Variants in PEX3 observed in about 807,000 individuals in gnomAD.
PEX3 encodes the protein peroxin-3.
Under a neutral mutation model 55.8 loss-of-function variants are expected in PEX3, and 30 were observed. The ratio of observed to expected loss-of-function variants is 0.54; its 90% CI spans 0.40 to 0.73. PEX3 has a LOEUF of 0.73. Ranked by LOEUF, PEX3 falls within the 30% of genes least tolerant of loss-of-function variation. PEX3 has a pLI of 0.00. For missense variants in PEX3, 351 were observed against 432.8 expected, an observed-to-expected ratio of 0.81 and a Z score of 1.68; for synonymous variants, 135 against 148.4, an observed-to-expected ratio of 0.91 and a Z score of 0.66.
rs112293109 is a variant in PEX3 at position 143,485,652 on chromosome 6, T to C, written c.1038+404T>C. ...AGAAGTAAAGCATTTTAGTGATTAA[T>C]AAAATGTAACAGTTAATAGTGCATC... is the stretch of plus-strand genomic sequence containing the variant. On this transcript the variant is annotated intron_variant, in intron 11 of 11. Coordinates refer to ENST00000367591, the MANE Select transcript of PEX3 (RefSeq NM_003630.3). This position sits in a 1 kb window ranked among gnomAD's most constrained non-coding sequence, Gnocchi z 5.6. Among the ~76,000 whole-genome samples the C allele has an allele frequency of 2.1e-3, 324 of 152,168 alleles. 2 individuals carry two copies. Among genetic ancestry groups the C allele is most frequent in the African/African-American group, 7.5e-3 (313 of 41,550 alleles).
Position 143,479,967 on chromosome 6 carries a change from T to A in PEX3, c.941+769T>A, listed in dbSNP as rs967140998. On this transcript the variant is annotated intron_variant, in intron 10 of 11. Transcript: ENST00000367591. This position sits in a 1 kb window ranked among gnomAD's most constrained non-coding sequence, Gnocchi z 4.6. ...CACATCCTTTGAAGTAGCTTTAAAA[T>A]TTTTTTTTTAATTGGGGACACAGTA... is the stretch of plus-strand genomic sequence containing the variant. Among the ~76,000 whole-genome samples the A allele has an allele frequency of 5.3e-5, 8 of 150,714 alleles. No homozygotes were observed. Among genetic ancestry groups the A allele is most frequent in the Middle Eastern group, 3.4e-3 (1 of 294 alleles).
At chr6:143,469,458 G>A (rs1416451905) in intron 4 of PEX3, among the ~76,000 whole-genome samples, 1 of 152,190 alleles carries the variant, frequency 6.6e-6, no homozygotes, top group Non-Finnish European at 1.5e-5. Context: ...GTGTCTGTTG[G>A]CTGCATAAAT....
At position 143,469,514 on chromosome 6, in the gene PEX3, G is replaced by T. The variant is rs1584009350; in HGVS notation, c.331+1349G>T. On this transcript the variant is annotated intron_variant, in intron 4 of 11. Coordinates refer to ENST00000367591, the MANE Select transcript of PEX3 (RefSeq NM_003630.3). ...TGTTCATATCCTTTGCCCACTTTTT[G>T]ATGGGGTTGTTTGATTTTTTCTTGT... Among the ~76,000 whole-genome samples, 3 of 152,172 alleles carry T rather than the reference G, an allele frequency of 2.0e-5. No individual in the cohort carries two copies. The East Asian group carries it at 5.8e-4, about 29-fold the overall frequency.
Position 143,466,785 on chromosome 6 carries a change from A to G in PEX3, c.288-1337A>G, listed in dbSNP as rs1779998420. Among the ~76,000 whole-genome samples the G allele has an allele frequency of 6.6e-6, 1 of 152,054 alleles. No homozygotes were observed. Among genetic ancestry groups the G allele is most frequent in the South Asian group, 2.1e-4 (1 of 4,830 alleles). On this transcript the variant is annotated intron_variant, in intron 3 of 11. Transcript: ENST00000367591. The surrounding 1 kb of genome is among the most constrained non-coding windows in gnomAD (Gnocchi z 5.4). Reference sequence around the variant, plus strand: ...GGGGCAGATATAAATGTATATATACATATTCACTTATATAAAGCAAAACAA... The same window carrying G: ...GGGGCAGATATAAATGTATATATACGTATTCACTTATATAAAGCAAAACAA...
chr6:143,469,043 A>G (rs1780034543), intron 4 of PEX3, among the ~76,000 whole-genome samples: 1 of 152,064 alleles, frequency 6.6e-6, no homozygotes, highest in African/African-American at 2.4e-5. Flanking sequence ...CTTGGTGTAT[A>G]TGTGCCACAT....
In PEX3 at chr6:143,471,397, C is replaced by T. The variant is rs1338695567; in HGVS notation, c.471C>T (p.Pro157=). 2 of 1,605,768 alleles carry T rather than the reference C, an allele frequency of 1.2e-6. No individual in the cohort carries two copies. Among genetic ancestry groups the T allele is most frequent in the Non-Finnish European group, 1.7e-6 (2 of 1,172,966 alleles). ...VGKNGTTILA[P]PDVQQQYLSS... Reference sequence around the variant, plus strand: ...GTTTTATACAGACAATTCTTGCTCCCCCAGATGTCCAACAGCAGTATTTAT... The same window carrying T: ...GTTTTATACAGACAATTCTTGCTCCTCCAGATGTCCAACAGCAGTATTTAT... The change falls in exon 6 of 12, where the codon CCC becomes CCT. Residue 157 remains proline (P), a synonymous_variant. Coordinates refer to ENST00000367591, the MANE Select transcript of PEX3 (RefSeq NM_003630.3). The surrounding 1 kb of genome is among the most constrained non-coding windows in gnomAD (Gnocchi z 5.4).
Position 143,489,071 on chromosome 6 carries a change from T to C in PEX3, c.1039-72T>C. On this transcript the variant is annotated intron_variant, in intron 11 of 11. Coordinates refer to ENST00000367591, the MANE Select transcript of PEX3 (RefSeq NM_003630.3). The surrounding 1 kb of genome is among the most constrained non-coding windows in gnomAD (Gnocchi z 5.5). Reference sequence around the variant, plus strand: ...CAAAACTTAGAGCTGAATTCATCGCTTGATTGCAGAAATTAATTCAAATTA... The same window carrying C: ...CAAAACTTAGAGCTGAATTCATCGCCTGATTGCAGAAATTAATTCAAATTA... 3 of 1,021,226 alleles carry C rather than the reference T, an allele frequency of 2.9e-6. No individual in the cohort carries two copies. Among genetic ancestry groups the C allele is most frequent in the Non-Finnish European group, 4.7e-6 (3 of 642,652 alleles). 63.3% of individuals were successfully genotyped at this position (1,021,226 alleles called of 1,614,324 possible). A position where few individuals can be genotyped will look rare whatever the true frequency, so the allele number is the denominator to read the frequency against.
rs1780331740 is a variant in PEX3 at position 143,487,040 on chromosome 6, T to TAAAG, written c.1038+1793_1038+1796dup. On this transcript the variant is annotated intron_variant, in intron 11 of 11. Transcript: ENST00000367591. This position sits in a 1 kb window ranked among gnomAD's most constrained non-coding sequence, Gnocchi z 5.3. The stretch of plus-strand genomic sequence containing the variant: ...TAGAAGATATTAGGATGGTAGTTGG[T>TAAAG]AAAGGTAGGAAATGGGAGAATCAGA... 6.6e-6 allele frequency among the ~76,000 whole-genome samples: 1 copy of TAAAG among 152,152 alleles called. No homozygotes were observed. The highest frequency in any genetic ancestry group is 1.5e-5 in the Non-Finnish European group (1 of 67,990).
intron 3 of PEX3, 117 bp from the exon 4 acceptor site, chr6:143,468,005 G>A (rs1022010778): frequency 3.2e-6 from 2 of 626,756 alleles, no homozygotes. Flanking sequence ...CTTTTCTGCA[G>A]TTATGCTGTG....
At chr6:143,470,521 C>A (rs1242286339) in intron 4 of PEX3, among the ~76,000 whole-genome samples, 1 of 152,200 alleles carries the variant, frequency 6.6e-6, no homozygotes, top group Non-Finnish European at 1.5e-5. Flanking sequence ...TCTTACCAGG[C>A]TTCCCCAGTC....
chr6:143,470,986 A>G lies in PEX3; in HGVS notation c.357A>G (p.Val119=), dbSNP rs1469822959. 1.2e-6 allele frequency: 2 copies of G among 1,611,884 alleles called. No individual in the cohort carries two copies. Among genetic ancestry groups the G allele is most frequent in the South Asian group, 1.1e-5 (1 of 91,054 alleles). ...IISFTRSTVA[V]YSTCMLVVLL... ...GTTTCACAAGAAGTACTGTGGCTGTATACAGTACCTGTATGCTGGTTGTTC... is the reference window on the plus strand; with the variant it reads ...GTTTCACAAGAAGTACTGTGGCTGTGTACAGTACCTGTATGCTGGTTGTTC... Residue 119 remains valine (V), a synonymous_variant, in exon 5 of 12, where the codon GTA becomes GTG. Coordinates refer to ENST00000367591, the MANE Select transcript of PEX3 (RefSeq NM_003630.3).
At position 143,465,733 on chromosome 6, in the gene PEX3, G is replaced by A. The variant is rs1160384535; in HGVS notation, c.288-2389G>A. 6.6e-6 allele frequency among the ~76,000 whole-genome samples: 1 copy of A among 151,952 alleles called. No individual in the cohort carries two copies. Among genetic ancestry groups the A allele is most frequent in the African/African-American group, 2.4e-5 (1 of 41,400 alleles). On this transcript the variant is annotated intron_variant, in intron 3 of 11. Coordinates refer to ENST00000367591, the MANE Select transcript of PEX3 (RefSeq NM_003630.3). This position sits in a 1 kb window ranked among gnomAD's most constrained non-coding sequence, Gnocchi z 4.7. Reference sequence around the variant, plus strand: ...GTCTTGAACACTAGATTAGATTAAGGTTGCAGCAGTGTCTTGCATGAGTTA... The same window carrying A: ...GTCTTGAACACTAGATTAGATTAAGATTGCAGCAGTGTCTTGCATGAGTTA...
chr6:143,485,933 T>TC lies in PEX3; in HGVS notation c.1038+686dup, dbSNP rs1780317635. Among the ~76,000 whole-genome samples the TC allele has an allele frequency of 2.0e-5, 3 of 152,144 alleles. No individual in the cohort carries two copies. ...TTTGCAATGCCAGTTGCAAACTGCT[T>TC]CAATAATGTACAATGAGAAGAGACC... On this transcript the variant is annotated intron_variant, in intron 11 of 11. Transcript: ENST00000367591. This position sits in a 1 kb window ranked among gnomAD's most constrained non-coding sequence, Gnocchi z 5.6.
At chr6:143,473,192 G>A (rs2128746936) in intron 8 of PEX3, among the ~76,000 whole-genome samples, 1 of 152,266 alleles carries the variant, frequency 6.6e-6, no homozygotes, top group Non-Finnish European at 1.5e-5. Flanking sequence ...CCCATTGCCA[G>A]AGACAAAGAT....
intron 10 of PEX3, among the ~76,000 whole-genome samples, chr6:143,480,341 G>A (rs1405330050): frequency 6.6e-6 from 1 of 152,078 alleles, no homozygotes; most frequent in Non-Finnish European, 1.5e-5. Context: ...TAATTGTAAT[G>A]GTTATTTTAA....
chr6:143,460,645 A>T (rs1449536980), intron 2 of PEX3, among the ~76,000 whole-genome samples: 1 of 152,098 alleles, frequency 6.6e-6, no homozygotes, highest in Admixed American at 6.5e-5. Flanking sequence ...CTGGTGGATC[A>T]CCTGAGGTTA....
chr6:143,462,899 T>C lies in PEX3; in HGVS notation c.206-17T>C. Reference sequence around the variant, plus strand: ...TATCACTTGTGACCTTTTTTATTTTTTTTGTTTGTATTACAGTGCTGTCCA... The same window carrying C: ...TATCACTTGTGACCTTTTTTATTTTCTTTGTTTGTATTACAGTGCTGTCCA... On this transcript the variant is annotated splice_polypyrimidine_tract_variant and intron_variant, in intron 2 of 11. Transcript: ENST00000367591. This position sits in a 1 kb window ranked among gnomAD's most constrained non-coding sequence, Gnocchi z 4.1. 1 of 1,603,230 alleles carries C rather than the reference T, an allele frequency of 6.2e-7. No homozygotes were observed. The highest frequency in any genetic ancestry group is 8.5e-7 in the Non-Finnish European group (1 of 1,170,156).
intron 10 of PEX3, among the ~76,000 whole-genome samples, chr6:143,480,729 A>C (rs1205125235): frequency 6.6e-6 from 1 of 152,178 alleles, no homozygotes; most frequent in Non-Finnish European, 1.5e-5. Context: ...TAGTAAGTCA[A>C]GAAAAAACAA....
Position 143,464,237 on chromosome 6 carries a change from A to G in PEX3, c.287+1240A>G, listed in dbSNP as rs1354039802. 1.3e-5 allele frequency among the ~76,000 whole-genome samples: 2 copies of G among 152,124 alleles called. No individual in the cohort carries two copies. Among genetic ancestry groups the G allele is most frequent in the African/African-American group, 4.8e-5 (2 of 41,458 alleles). ...TTTTGTCATGATGAGAAGGCAAGAC[A>G]AGTTAAATAAGTGAATAGCATTTTT... On this transcript the variant is annotated intron_variant, in intron 3 of 11. Coordinates refer to ENST00000367591, the MANE Select transcript of PEX3 (RefSeq NM_003630.3). This position sits in a 1 kb window ranked among gnomAD's most constrained non-coding sequence, Gnocchi z 5.8.
Sources: allele counts gnomAD v4.1 joint callset (sites outside exome capture counted in the v4.1 genomes callset), GRCh38; gene constraint gnomAD v4.1.1; non-coding constraint Gnocchi (gnomAD v3.1); transcripts MANE v1.5; gene names NCBI Gene and HGNC (gene_info 2026-07-23, HGNC 2026-07-21).